Variants in FAM222B observed in about 807,000 individuals in gnomAD.
The protein encoded by FAM222B is protein FAM222B.
FAM222B carries 12 observed loss-of-function variants against 38.0 expected under a neutral mutation model. That is an observed-to-expected ratio of 0.32 (90% CI 0.20 to 0.51). FAM222B has a LOEUF of 0.51. Ranked by LOEUF, FAM222B falls within the 20% of genes least tolerant of loss-of-function variation. The pLI, the probability that FAM222B is intolerant of heterozygous loss-of-function variation, is 0.97. For synonymous variants in FAM222B, 329 were observed against 317.2 expected (o/e 1.04, Z -0.40); for missense variants, 716 against 754.2 (o/e 0.95, Z 0.59).
At chr17:28,837,604 G>A (rs572250094) in intron 1 of FAM222B, among the ~76,000 whole-genome samples, 2 of 151,726 alleles carry the variant, frequency 1.3e-5, no homozygotes, top group Non-Finnish European at 2.9e-5. Context: ...TCGAGACCCT[G>A]AGAGGTAATA....
intron 1 of FAM222B, among the ~76,000 whole-genome samples, chr17:28,784,015 G>T (rs1662673613): frequency 6.6e-6 from 1 of 151,688 alleles, no homozygotes; most frequent in African/African-American, 2.4e-5. Flanking sequence ...GGCCAGGCTG[G>T]TCTCGAACTC....
At chr17:28,801,189 C>T (rs1477614384) in intron 1 of FAM222B, among the ~76,000 whole-genome samples, 1 of 150,420 alleles carries the variant, frequency 6.6e-6, no homozygotes, top group African/African-American at 2.5e-5. Context: ...CGCAGTGGCT[C>T]ACGCCTGTAA....
intron 1 of FAM222B, among the ~76,000 whole-genome samples, chr17:28,832,366 ATTG>A (rs948162486): frequency 8.5e-5 from 13 of 152,222 alleles, no homozygotes; most frequent in African/African-American, 3.1e-4. Context: ...GATATGTATT[ATTG>A]TTTAGTACAA....
At chr17:28,779,169 C>T (rs1306890458) in intron 1 of FAM222B, among the ~76,000 whole-genome samples, 2 of 152,080 alleles carry the variant, frequency 1.3e-5, no homozygotes, top group Admixed American at 6.6e-5. Context: ...TCCAGATACA[C>T]TTCCAAACTC....
intron 1 of FAM222B, among the ~76,000 whole-genome samples, chr17:28,787,433 GA>G (rs918452304): frequency 6.6e-6 from 1 of 152,158 alleles, no homozygotes. Context: ...TAGCCTTAGT[GA>G]AAATCAAAGC....
rs1407047317 is a variant in FAM222B, at chr17:28,758,033, C to T, written c.*237G>A. 7.1e-6 allele frequency: 3 copies of T among 425,098 alleles called. No individual in the cohort carries two copies. Among genetic ancestry groups the T allele is most frequent in the Non-Finnish European group, 1.3e-5 (3 of 239,536 alleles). The allele number at this position is 425,098 out of a possible 1,614,324, so 26.3% of individuals were successfully genotyped here. ...GTGGAGAGACTAGCTGACAGGCAGT[C>T]AGTGGAGAGAAAAGCCTGGGCTTAG... On this transcript the variant is annotated 3_prime_UTR_variant, in exon 3 of 3. Transcript: ENST00000581407.
chr17:28,777,668 G>A lies in FAM222B; in HGVS notation c.-40-10961C>T, dbSNP rs1390637695. ...AGCACATACTTTAATTCCAGGCTCC[G>A]AAAATTTGTGGTACATGGATAATAC... On this transcript the variant is annotated intron_variant, in intron 1 of 2. Coordinates refer to ENST00000581407, the MANE Select transcript of FAM222B (RefSeq NM_001077498.3). Among the ~76,000 whole-genome samples the A allele has an allele frequency of 6.6e-5, 10 of 152,084 alleles. No individual in the cohort carries two copies. The South Asian group carries it at 8.3e-4, about 13-fold the overall frequency.
chr17:28,809,015 A>G (rs1040463967), intron 1 of FAM222B, among the ~76,000 whole-genome samples: 2 of 152,116 alleles, frequency 1.3e-5, no homozygotes, highest in African/African-American at 4.8e-5. Context: ...TAGAGAGAAC[A>G]TAGAGTCCTT....
rs764486649 is a variant in FAM222B at position 28,758,673 on chromosome 17, G to A, written c.1286C>T (p.Pro429Leu). Residue 429 changes from proline to leucine, a missense_variant, in exon 3 of 3, where the codon CCG (proline) becomes CTG (leucine). By Grantham distance (98) the Pro-to-Leu change is moderately conservative. Transcript: ENST00000581407. The stretch of plus-strand genomic sequence containing the variant: ...GCCGTTGACTGGTGGGGATGGGGTC[G>A]GCTTTTCCAGGGGTGGCTTCAGATG... ...SFHLKPPLEKPTPSPPVNGMA... is the reference protein window; with the variant it reads ...SFHLKPPLEKLTPSPPVNGMA... The A allele has an allele frequency of 7.5e-6, 12 of 1,605,662 alleles. No individual in the cohort carries two copies. The highest frequency in any genetic ancestry group is 1.7e-4 in the Middle Eastern group (1 of 6,060).
At chr17:28,788,446 C>T (rs1261596892) in intron 1 of FAM222B, among the ~76,000 whole-genome samples, 1 of 150,736 alleles carries the variant, frequency 6.6e-6, no homozygotes, top group East Asian at 2.0e-4. Context: ...GCCATGTTGC[C>T]CAGGCTGGTC....
chr17:28,782,072 T>A (rs1204462335), intron 1 of FAM222B, among the ~76,000 whole-genome samples: 2 of 152,194 alleles, frequency 1.3e-5, no homozygotes, highest in Non-Finnish European at 2.9e-5. Flanking sequence ...ACACTTGTAA[T>A]TCCAGCACTT....
In FAM222B at chr17:28,759,158, G is replaced by A; in HGVS notation, c.801C>T (p.Ser267=). 1 of 1,612,798 alleles carries A rather than the reference G, an allele frequency of 6.2e-7. No homozygotes were observed. The highest frequency in any genetic ancestry group is 8.5e-7 in the Non-Finnish European group (1 of 1,179,432). Residue 267 remains serine (S), a synonymous_variant, in exon 3 of 3, where the codon AGC becomes AGT. Coordinates refer to ENST00000581407, the MANE Select transcript of FAM222B (RefSeq NM_001077498.3). The surrounding 1 kb of genome is among the most constrained non-coding windows in gnomAD (Gnocchi z 4.8). The stretch of plus-strand genomic sequence containing the variant: ...AAAACTGGTTGATCTGGTGCACGAT[G>A]CTACTCAGGTCCGGAGGCTGGCTGT... ...LQHSQPPDLS[S]IVHQINQFCQ... is the part of the protein sequence containing the mutation.
chr17:28,809,895 G>A (rs2037665743), intron 1 of FAM222B, among the ~76,000 whole-genome samples: 1 of 152,074 alleles, frequency 6.6e-6, no homozygotes, highest in Non-Finnish European at 1.5e-5. Context: ...TCACCCATGG[G>A]TAGAGAACAT....
At chr17:28,833,793 G>C (rs978126768) in intron 1 of FAM222B, among the ~76,000 whole-genome samples, 1 of 152,052 alleles carries the variant, frequency 6.6e-6, no homozygotes, top group Admixed American at 6.6e-5. Context: ...GAGTCATCAA[G>C]CTGACTTTCA....
intron 1 of FAM222B, among the ~76,000 whole-genome samples, chr17:28,801,270 A>G (rs1252663217): frequency 4.0e-5 from 6 of 150,536 alleles, no homozygotes; most frequent in East Asian, 2.0e-4. Flanking sequence ...TGGCTAACAC[A>G]GTGAAACCCC....
intron 1 of FAM222B, among the ~76,000 whole-genome samples, chr17:28,827,556 T>C (rs2038488702): frequency 6.6e-6 from 1 of 152,078 alleles, no homozygotes. Flanking sequence ...AATGTCAGAG[T>C]AGCCCATCAG....
At chr17:28,813,063 GTT>G (rs2037869549) in intron 1 of FAM222B, among the ~76,000 whole-genome samples, 1 of 81,586 alleles carries the variant, frequency 1.2e-5, no homozygotes, top group Non-Finnish European at 2.2e-5. Flanking sequence ...TTGGAGGCAT[GTT>G]GGGAAAGTAT....
At chr17:28,848,428 T>C (rs2039159863) in intron 1 of FAM222B, among the ~76,000 whole-genome samples, 1 of 152,060 alleles carries the variant, frequency 6.6e-6, no homozygotes, top group South Asian at 2.1e-4. Context: ...AATTAATGAT[T>C]GGCAGGGGAA....
chr17:28,758,319 T>TCGGGGGCTCGGTTGC lies in FAM222B; in HGVS notation c.1625_1639dup (p.Gly542_Pro546dup), dbSNP rs769949471. ...ATGAAGACTTCGACTCTCTGTGGGA[T>TCGGGGGCTCGGTTGC]CGGGGGCTCGGTTGCCAGGGGCTCG... On this transcript the variant is annotated inframe_insertion, in exon 3 of 3. Transcript: ENST00000581407. 2.0e-5 allele frequency: 32 copies of TCGGGGGCTCGGTTGC among 1,608,978 alleles called. No homozygotes were observed. Among genetic ancestry groups the TCGGGGGCTCGGTTGC allele is most frequent in the South Asian group, 1.8e-4 (16 of 90,400 alleles).
Sources: gnomAD v4.1 joint callset for allele counts (sites outside exome capture counted in the v4.1 genomes callset) on GRCh38, gnomAD v4.1.1 for gene constraint, Gnocchi (gnomAD v3.1) non-coding constraint, MANE v1.5 for transcripts, NCBI Gene and HGNC (gene_info 2026-07-23, HGNC 2026-07-21) for gene names.